Variants in BST1 observed in about 807,000 individuals in gnomAD.
The protein encoded by BST1 is bone marrow stromal cell antigen 1, also known as ADP-ribosyl cyclase/cyclic ADP-ribose hydrolase 2.
Under a neutral mutation model 40.6 loss-of-function variants are expected in BST1, and 49 were observed. The observed-to-expected ratio is 1.21, with a 90% CI of 0.96 to 1.53. The LOEUF is 1.53. Ranked by LOEUF, BST1 falls within the 40% of genes most tolerant of loss-of-function variation. BST1 has a pLI of 0.00. For missense variants in BST1, 423 were observed against 395.9 expected (o/e 1.07, Z -0.58); for synonymous variants, 157 against 159.3 (o/e 0.99, Z 0.11).
chr4:15,755,350 G>C, the BST1 span, among the ~76,000 whole-genome samples: 1 of 152,126 alleles, frequency 6.6e-6, no homozygotes, highest in Non-Finnish European at 1.5e-5. Context: ...TGTTTGTCTG[G>C]CTGGTCTTGA....
chr4:15,757,661 G>GTTTATTT, the BST1 span, among the ~76,000 whole-genome samples: 1 of 151,376 alleles, frequency 6.6e-6, no homozygotes, highest in African/African-American at 2.5e-5. Flanking sequence ...TTTATTTAGA[G>GTTTATTT]AAAGAGTTTT....
intron 2 of BST1, 69 bp from the exon 3 acceptor site, chr4:15,707,442 T>G: frequency 1.4e-5 from 23 of 1,601,342 alleles, no homozygotes; most frequent in Non-Finnish European, 1.7e-5. Flanking sequence ...CTTGCCTTGA[T>G]GATATTGTGC....
chr4:15,733,892 G>A (rs2148898306), downstream of BST1, among the ~76,000 whole-genome samples: 1 of 152,250 alleles, frequency 6.6e-6, no homozygotes, highest in South Asian at 2.1e-4. Context: ...CTATTTACAT[G>A]GGTTTTAGAA....
chr4:15,718,184 A>T (rs1056914067), intron 6 of BST1, among the ~76,000 whole-genome samples: 3 of 152,042 alleles, frequency 2.0e-5, no homozygotes, highest in African/African-American at 7.2e-5. Context: ...GACGGGTTCC[A>T]TGAGTTATGG....
intron 4 of BST1, among the ~76,000 whole-genome samples, chr4:15,713,806 C>T (rs554651462): frequency 2.0e-4 from 31 of 151,424 alleles, no homozygotes; most frequent in African/African-American, 7.0e-4. Context: ...TAGGTTCAAG[C>T]GATTCTCACA....
At chr4:15,746,845 A>T in the BST1 span, among the ~76,000 whole-genome samples, 6 of 152,270 alleles carry the variant, frequency 3.9e-5, no homozygotes, top group African/African-American at 1.2e-4. Flanking sequence ...TGATAAACTT[A>T]GTTCTGGAGT....
Position 15,731,944 on chromosome 4 carries a change from G to T in BST1, c.*99G>T, listed in dbSNP as rs542662030. On this transcript the variant is annotated 3_prime_UTR_variant, in exon 9 of 9. Transcript: ENST00000265016. ...ATACCAAATGATTCTGTTATCTAAAGAAGCTTTTTGCTGGGAAAACGATGT... is the reference window on the plus strand; with the variant it reads ...ATACCAAATGATTCTGTTATCTAAATAAGCTTTTTGCTGGGAAAACGATGT... 5.7e-6 allele frequency: 8 copies of T among 1,401,782 alleles called. No individual in the cohort carries two copies. In the East Asian group the frequency reaches 2.2e-4, roughly 38 times the overall value. 86.8% of individuals were successfully genotyped at this position (1,401,782 alleles called of 1,614,324 possible).
At chr4:15,729,082 A>G (rs1721259390) in intron 8 of BST1, among the ~76,000 whole-genome samples, 1 of 152,232 alleles carries the variant, frequency 6.6e-6, no homozygotes, top group South Asian at 2.1e-4. Flanking sequence ...CAATCAAGTA[A>G]TTGAGAAAGT....
chr4:15,714,666 C>T (rs906916280), intron 4 of BST1, among the ~76,000 whole-genome samples: 2 of 152,154 alleles, frequency 1.3e-5, no homozygotes, highest in East Asian at 1.9e-4. Flanking sequence ...GCACAGTGCT[C>T]CTGGTAGTCC....
At chr4:15,731,582 C>A in intron 8 of BST1, 158 bp from the exon 9 acceptor site, 1 of 1,109,258 alleles carries the variant, frequency 9.0e-7, no homozygotes, top group South Asian at 1.3e-5. Context: ...TGCAGGACTT[C>A]GCGCACCGCC....
chr4:15,757,394 A>G, the BST1 span, among the ~76,000 whole-genome samples: 1 of 151,980 alleles, frequency 6.6e-6, no homozygotes, highest in Admixed American at 6.5e-5. Flanking sequence ...ACTGCAGTGT[A>G]TTTTTTTGGG....
At chr4:15,747,851 A>C in the BST1 span, among the ~76,000 whole-genome samples, 1 of 151,948 alleles carries the variant, frequency 6.6e-6, no homozygotes, top group Non-Finnish European at 1.5e-5. Flanking sequence ...TTAAATTCTT[A>C]TTTTTTGTAG....
chr4:15,715,751 T>A lies in BST1; in HGVS notation c.656T>A (p.Ile219Asn). ...YEIPNLQKEK[I>N]TRIEIWVMHE... ...ATTCCAAACCTCCAGAAGGAAAAAA[T>A]TACACGAATCGAGATCTGGGTTATG... The change falls in exon 6 of 9, where the codon ATT (isoleucine) becomes AAT (asparagine). Residue 219 changes from isoleucine to asparagine, a missense_variant. Transcript: ENST00000265016. 1 of 1,601,546 alleles carries A rather than the reference T, an allele frequency of 6.2e-7. No individual in the cohort carries two copies. The highest frequency in any genetic ancestry group is 8.5e-7 in the Non-Finnish European group (1 of 1,176,318).
At chr4:15,724,946 G>A (rs571477779) in intron 8 of BST1, among the ~76,000 whole-genome samples, 2 of 152,210 alleles carry the variant, frequency 1.3e-5, no homozygotes, top group East Asian at 3.9e-4. Flanking sequence ...ATGCTGGCTG[G>A]TATATGGGCC....
intron 7 of BST1, among the ~76,000 whole-genome samples, 164 bp from the exon 8 acceptor site, chr4:15,722,711 G>A (rs76579060): frequency 0.067 from 10,128 of 151,704 alleles, 558 homozygotes; most frequent in East Asian, 0.26. Flanking sequence ...GGGATTACAG[G>A]TGTAAGCCAC....
At chr4:15,727,086 C>T (rs776903882) in intron 8 of BST1, among the ~76,000 whole-genome samples, 106 of 152,106 alleles carry the variant, frequency 7.0e-4, no homozygotes, top group Admixed American at 3.9e-3. Context: ...CAACCACATT[C>T]CTAGAAGGAA....
At chr4:15,746,328 C>T in the BST1 span, among the ~76,000 whole-genome samples, 19 of 152,342 alleles carry the variant, frequency 1.2e-4, no homozygotes, top group South Asian at 3.7e-3. Context: ...CCTTGCATTA[C>T]ACTTGTGTCT....
At chr4:15,723,593 G>C (rs1048174765) in intron 8 of BST1, 1 of 985,224 alleles carries the variant, frequency 1.0e-6, no homozygotes, top group Non-Finnish European at 1.2e-6. Flanking sequence ...GGCTGGCTTG[G>C]TTGTATGTTG....
At chr4:15,716,590 C>A (rs1239929138) in intron 6 of BST1, among the ~76,000 whole-genome samples, 4 of 152,166 alleles carry the variant, frequency 2.6e-5, no homozygotes, top group African/African-American at 9.7e-5. Context: ...CTAAGACTCA[C>A]CATATAAGGG....
Sources: allele counts gnomAD v4.1 joint callset (sites outside exome capture counted in the v4.1 genomes callset), GRCh38; gene constraint gnomAD v4.1.1; transcripts MANE v1.5; gene names NCBI Gene and HGNC (gene_info 2026-07-23, HGNC 2026-07-21).